Variants in KCNT1 observed in about 807,000 individuals in gnomAD.
KCNT1 encodes the protein potassium channel subfamily T member 1.
In KCNT1, 78 loss-of-function variants were observed where a neutral mutation model predicts 147.8. That is an observed-to-expected ratio of 0.53 (90% CI 0.44 to 0.64). The LOEUF is 0.64. Among genes scored for constraint, KCNT1 ranks in the 30% least tolerant of loss-of-function variants. KCNT1 has a pLI of 0.00. For synonymous variants in KCNT1, 867 were observed against 748.8 expected (o/e 1.16, Z -2.58); for missense variants, 1,419 against 1,750.3 (o/e 0.81, Z 3.38).
intron 11 of KCNT1, among the ~76,000 whole-genome samples, chr9:135,763,226 G>A (rs774051506): frequency 4.4e-5 from 5 of 114,476 alleles, no homozygotes; most frequent in African/African-American, 1.4e-4. Flanking sequence ...CGTCTAAGCC[G>A]CTCCCTGCCT....
intron 10 of KCNT1, among the ~76,000 whole-genome samples, chr9:135,759,244 G>A (rs938188456): frequency 6.6e-6 from 1 of 152,190 alleles, no homozygotes; most frequent in East Asian, 1.9e-4. Context: ...GCCTGAGTGT[G>A]GTGGGTAAAG....
At chr9:135,790,584 A>C (rs919669960) in intron 29 of KCNT1, 2 of 152,306 alleles carry the variant, frequency 1.3e-5, no homozygotes, top group Non-Finnish European at 2.9e-5. Context: ...CTGTGCTCAC[A>C]CTGTGGGAAC....
intron 6 of KCNT1, among the ~76,000 whole-genome samples, chr9:135,756,649 G>A (rs539082454): frequency 7.5e-4 from 114 of 152,168 alleles, no homozygotes; most frequent in Non-Finnish European, 1.3e-3. Context: ...TAGAGTGGGC[G>A]GCCCAGGAGG....
In KCNT1 at chr9:135,750,194, G is replaced by A; in HGVS notation, c.334+17G>A. 6.2e-7 allele frequency: 1 copy of A among 1,607,148 alleles called. No homozygotes were observed. The highest frequency in any genetic ancestry group is 8.5e-7 in the Non-Finnish European group (1 of 1,174,258). ...AAAGATCGAGTGAGTGGGGTGCCTG[G>A]AGGGCCACTCCCAGGCAGGGAGGTG... On this transcript the variant is annotated intron_variant, in intron 3 of 30. Transcript: ENST00000371757.
At chr9:135,769,747 G>A (rs967609275) in intron 15 of KCNT1, among the ~76,000 whole-genome samples, 200 bp from the exon 16 acceptor site, 9 of 152,176 alleles carry the variant, frequency 5.9e-5, no homozygotes, top group Admixed American at 1.3e-4. Context: ...AGGAGCGATG[G>A]AAGGTCCACC....
At chr9:135,745,660 C>T (rs974425935) in intron 2 of KCNT1, among the ~76,000 whole-genome samples, 3 of 152,254 alleles carry the variant, frequency 2.0e-5, no homozygotes, top group Non-Finnish European at 4.4e-5. Flanking sequence ...CAGAGCTCCT[C>T]CACCTGTCTG....
chr9:135,747,070 C>T (rs1278756209), intron 2 of KCNT1, among the ~76,000 whole-genome samples: 1 of 151,978 alleles, frequency 6.6e-6, no homozygotes, highest in Admixed American at 6.6e-5. Flanking sequence ...GTCACCCCTG[C>T]GTGGCACTTA....
At chr9:135,736,626 C>T (rs897671676) in intron 2 of KCNT1, 45 of 166,782 alleles carry the variant, frequency 2.7e-4, no homozygotes, top group African/African-American at 1.0e-3. Flanking sequence ...CCGAGCGCTC[C>T]CGCAGGATGG....
Position 135,772,759 on chromosome 9 carries a change from C to A in KCNT1, c.2053C>A (p.Gln685Lys). The change falls in exon 19 of 31, where the codon CAG (glutamine) becomes AAG (lysine). Residue 685 changes from glutamine to lysine, a missense_variant. By Grantham distance (53) the Gln-to-Lys change is moderately conservative. Around this residue, in one of 5 missense-constraint regions of KCNT1, gnomAD observed 284 missense variants for 292.8 expected, o/e 0.97. Transcript: ENST00000371757. The part of the protein sequence containing the change: ...DLQGTEHRPT[Q>K]SGGGGGGSKL... ...GCAGGGCACAGAGCACCGGCCTACG[C>A]AGAGCGGCGGTGGGGGCGGGGGCAG... 6.8e-7 allele frequency: 1 copy of A among 1,472,676 alleles called. No homozygotes were observed. Among genetic ancestry groups the A allele is most frequent in the Non-Finnish European group, 9.0e-7 (1 of 1,109,138 alleles). 91.2% of individuals were successfully genotyped at this position (1,472,676 alleles called of 1,614,324 possible). A position where few individuals can be genotyped will look rare whatever the true frequency, so the allele number is the denominator to read the frequency against.
chr9:135,746,687 G>A lies in KCNT1; in HGVS notation c.255-3411G>A, dbSNP rs550501001. On this transcript the variant is annotated intron_variant, in intron 2 of 30. Coordinates refer to ENST00000371757, the MANE Select transcript of KCNT1 (RefSeq NM_020822.3). The stretch of plus-strand genomic sequence containing the variant: ...AAGGGAGGAGCAGGAGCTCCTTGGA[G>A]GCCTATGACCGATGGAGGGTTGGGG... 3.3e-3 allele frequency among the ~76,000 whole-genome samples: 503 copies of A among 152,292 alleles called. 3 individuals are homozygous for A. Among genetic ancestry groups the A allele is most frequent in the African/African-American group, 0.012 (489 of 41,578 alleles).
chr9:135,776,062 G>A (rs1454803725), intron 20 of KCNT1, among the ~76,000 whole-genome samples: 3 of 152,044 alleles, frequency 2.0e-5, no homozygotes, highest in Admixed American at 6.5e-5. Context: ...AAACTCGGGG[G>A]TCAATTGTCA....
intron 2 of KCNT1, among the ~76,000 whole-genome samples, chr9:135,737,425 A>G (rs893205135): frequency 1.3e-5 from 2 of 152,200 alleles, no homozygotes; most frequent in Non-Finnish European, 2.9e-5. Flanking sequence ...CTGCAGCAGC[A>G]AATTCCTAGC....
intron 28 of KCNT1, 73 bp from the exon 29 acceptor site, chr9:135,786,124 C>T: frequency 1.4e-6 from 2 of 1,384,008 alleles, no homozygotes; most frequent in Non-Finnish European, 2.0e-6. Flanking sequence ...TCTTCCTAAG[C>T]CCCTGCCCCA....
chr9:135,748,778 G>T (rs1416693159), intron 2 of KCNT1, among the ~76,000 whole-genome samples: 1 of 152,242 alleles, frequency 6.6e-6, no homozygotes, highest in Admixed American at 6.5e-5. Flanking sequence ...CTGGGCAGGG[G>T]GCCCATGCTG....
chr9:135,709,692 C>T (rs1835410110), intron 1 of KCNT1, among the ~76,000 whole-genome samples: 1 of 149,432 alleles, frequency 6.7e-6, no homozygotes, highest in Non-Finnish European at 1.5e-5. Flanking sequence ...GAGTCGTTTT[C>T]TTTTTTGAGA....
chr9:135,720,461 A>T (rs1835881314), intron 2 of KCNT1, among the ~76,000 whole-genome samples: 1 of 152,026 alleles, frequency 6.6e-6, no homozygotes, highest in Non-Finnish European at 1.5e-5. Context: ...TCCTGCGAAG[A>T]GCCTGGGATT....
intron 29 of KCNT1, 38 bp from the exon 30 acceptor site, chr9:135,791,759 C>T (rs762595228): frequency 5.7e-6 from 9 of 1,582,760 alleles, no homozygotes; most frequent in Non-Finnish European, 7.8e-6. Flanking sequence ...AGGGGCAGGG[C>T]TGGGGGGGTG....
At chr9:135,762,134 C>T (rs1489673124) in intron 11 of KCNT1, among the ~76,000 whole-genome samples, 1 of 152,238 alleles carries the variant, frequency 6.6e-6, no homozygotes, top group African/African-American at 2.4e-5. Flanking sequence ...GCCCCCACCT[C>T]CCCTTATCTC....
intron 19 of KCNT1, among the ~76,000 whole-genome samples, chr9:135,774,319 T>G (rs571519444): frequency 3.4e-5 from 5 of 147,030 alleles, no homozygotes; most frequent in Non-Finnish European, 7.5e-5. Flanking sequence ...GTGCTGTGTG[T>G]TGTGTGTCTG....
Sources: allele counts gnomAD v4.1 joint callset (sites outside exome capture counted in the v4.1 genomes callset), GRCh38; gene constraint gnomAD v4.1.1; regional missense constraint gnomAD v4.1.1; transcripts MANE v1.5; gene names NCBI Gene and HGNC (gene_info 2026-07-23, HGNC 2026-07-21).